The following DOCK9 variants were observed in gnomAD, a reference collection of about 807,000 sequenced individuals.
DOCK9 encodes the protein dedicator of cytokinesis protein 9.
In DOCK9, 89 loss-of-function variants were observed where a neutral mutation model predicts 263.3. The observed-to-expected ratio is 0.34, with a 90% CI of 0.28 to 0.40. The LOEUF (loss-of-function observed/expected upper bound fraction) is 0.40. Among genes scored for constraint, DOCK9 ranks in the 10% least tolerant of loss-of-function variants. The pLI is 1.00. For synonymous variants in DOCK9, 976 were observed against 973.1 expected, an observed-to-expected ratio of 1.00 and a Z score of -0.06; for missense variants, 2,140 against 2,603.4, an observed-to-expected ratio of 0.82 and a Z score of 3.87.
At chr13:99,073,188 C>T (rs2041758152) in intron 1 of DOCK9, among the ~76,000 whole-genome samples, 1 of 152,144 alleles carries the variant, frequency 6.6e-6, no homozygotes, top group South Asian at 2.1e-4. Context: ...TACCCTACCA[C>T]GTGCTTTGCC....
At chr13:99,021,638 CAAAAAAAAAAA>C (rs61660903) in intron 1 of DOCK9, among the ~76,000 whole-genome samples, 1 of 101,582 alleles carries the variant, frequency 9.8e-6, no homozygotes. Flanking sequence ...GACTCTGTCT[CAAAAAAAAAAA>C]AAAAAAAAAG....
At chr13:99,004,931 G>A (rs2141869551) in intron 1 of DOCK9, among the ~76,000 whole-genome samples, 1 of 152,056 alleles carries the variant, frequency 6.6e-6, no homozygotes, top group East Asian at 1.9e-4. Flanking sequence ...ATGTATAAAA[G>A]GAAAACCAGA....
intron 32 of DOCK9, among the ~76,000 whole-genome samples, 161 bp downstream of exon 32, chr13:98,862,858 C>CA (rs1447449292): frequency 6.6e-6 from 1 of 152,114 alleles, no homozygotes; most frequent in African/African-American, 2.4e-5. Flanking sequence ...CATGAGCCTC[C>CA]AGTAGGAACC....
rs1191150878 is a variant in DOCK9 at position 99,074,324 on chromosome 13, T to C, written c.129+11899A>G. 2.6e-5 allele frequency among the ~76,000 whole-genome samples: 4 copies of C among 152,230 alleles called. No individual in the cohort carries two copies. The East Asian group carries it at 7.7e-4, about 29-fold the overall frequency. ...TTTCCTAGGAGCGCTTCCAGGATCT[T>C]TGTAAGGGCTGACACTTTGTAAGGG... On this transcript the variant is annotated intron_variant, in intron 1 of 32. Coordinates refer to the DOCK9 transcript ENST00000427887.
intron 1 of DOCK9, among the ~76,000 whole-genome samples, chr13:99,032,052 G>A (rs929864308): frequency 6.6e-6 from 1 of 152,166 alleles, no homozygotes; most frequent in African/African-American, 2.4e-5. Context: ...AATTTCCTGG[G>A]GAGAACTAAT....
chr13:99,086,156 G>A, intron 1 of DOCK9: 4 of 1,409,166 alleles, frequency 2.8e-6, no homozygotes, highest in South Asian at 2.9e-5. Flanking sequence ...AGAGGCGCCC[G>A]GCCCGGGGCC....
At chr13:99,060,464 T>C (rs1001090127) in intron 1 of DOCK9, among the ~76,000 whole-genome samples, 1 of 152,180 alleles carries the variant, frequency 6.6e-6, no homozygotes, top group Non-Finnish European at 1.5e-5. Context: ...TTCAATTCTT[T>C]TGGATATATA....
At chr13:99,063,710 T>C (rs2041295342) in intron 1 of DOCK9, among the ~76,000 whole-genome samples, 1 of 152,130 alleles carries the variant, frequency 6.6e-6, no homozygotes, top group Non-Finnish European at 1.5e-5. Context: ...TACTAATAAA[T>C]GAAATAAAAA....
intron 1 of DOCK9, among the ~76,000 whole-genome samples, chr13:99,081,420 T>C (rs553383177): frequency 2.6e-4 from 39 of 152,300 alleles, no homozygotes; most frequent in African/African-American, 8.9e-4. Flanking sequence ...ATTTGTATTG[T>C]TGGAATTCAA....
At chr13:98,908,181 T>A (rs1411450995) in intron 9 of DOCK9, among the ~76,000 whole-genome samples, 1 of 151,974 alleles carries the variant, frequency 6.6e-6, no homozygotes, top group Non-Finnish European at 1.5e-5. Flanking sequence ...AATAAATATA[T>A]GAAAATATGA....
chr13:98,886,717 C>T, intron 18 of DOCK9, 93 bp from the exon 19 acceptor site: 1 of 1,213,904 alleles, frequency 8.2e-7, no homozygotes, highest in Non-Finnish European at 1.2e-6. Flanking sequence ...ATTCCTACGG[C>T]ATAGACTTAG....
At chr13:98,970,907 C>T (rs1476769375) in intron 1 of DOCK9, among the ~76,000 whole-genome samples, 1 of 152,138 alleles carries the variant, frequency 6.6e-6, no homozygotes, top group African/African-American at 2.4e-5. Context: ...GGTGGCCAAC[C>T]CATTCCCTTG....
chr13:98,993,105 T>G (rs559064639), intron 1 of DOCK9, among the ~76,000 whole-genome samples: 1 of 152,328 alleles, frequency 6.6e-6, no homozygotes, highest in African/African-American at 2.4e-5. Context: ...GTATGGACTC[T>G]GCCTCCTCAA....
intron 1 of DOCK9, among the ~76,000 whole-genome samples, chr13:99,037,695 C>A (rs547549725): frequency 6.6e-6 from 1 of 152,168 alleles, no homozygotes; most frequent in Admixed American, 6.5e-5. Context: ...TTGGTAATAA[C>A]CAAAAACTGG....
At position 98,860,480 on chromosome 13, in the gene DOCK9, G is replaced by A; in HGVS notation, c.3622C>T (p.Leu1208=). ...GTGCTTCCCTTCTGCGGCGTCACCA[G>A]CGGATTCACAGCTGGTAGAGCCAGG... The part of the protein sequence containing the change: ...ESLALPAVNP[L]VTPQKGSTLD... The change falls in exon 33 of 53, where the codon CTG becomes TTG. Residue 1208 remains leucine (L), a synonymous_variant. Transcript: ENST00000682017. 1 of 1,585,356 alleles carries A rather than the reference G, an allele frequency of 6.3e-7. No individual in the cohort carries two copies. Among genetic ancestry groups the A allele is most frequent in the Non-Finnish European group, 8.6e-7 (1 of 1,164,558 alleles).
chr13:98,970,555 T>C (rs2059637090), intron 1 of DOCK9, among the ~76,000 whole-genome samples: 1 of 152,036 alleles, frequency 6.6e-6, no homozygotes, highest in Non-Finnish European at 1.5e-5. Flanking sequence ...CAACTCTCCA[T>C]ATTAAGGAAA....
In DOCK9 at chr13:98,897,043, T is replaced by G. The variant is rs2047550858; in HGVS notation, c.1709+445A>C. Among the ~76,000 whole-genome samples the G allele has an allele frequency of 2.0e-5, 3 of 152,162 alleles. No individual in the cohort carries two copies. The South Asian group carries it at 6.2e-4, about 32-fold the overall frequency. On this transcript the variant is annotated intron_variant, in intron 15 of 52. Transcript: ENST00000682017. The stretch of plus-strand genomic sequence containing the variant: ...CTGCCACAAGCTAAGCAACAACTGG[T>G]GCCAGAAACTTCCAAGTTAGAAACC...
rs2092483877 is a variant in DOCK9 at position 98,825,401 on chromosome 13, T to G, written c.5024-897A>C. 1.3e-5 allele frequency among the ~76,000 whole-genome samples: 2 copies of G among 152,008 alleles called. No individual in the cohort carries two copies. The highest frequency in any genetic ancestry group is 4.8e-5 in the African/African-American group (2 of 41,366). The stretch of plus-strand genomic sequence containing the variant: ...TTTAGGGAGAAAGAGGAACACAGGG[T>G]ATTCTGAAATCAAGCCTTGAAAACG... On this transcript the variant is annotated intron_variant, in intron 44 of 52. Coordinates refer to ENST00000682017, the MANE Select transcript of DOCK9 (RefSeq NM_001366683.2). This position sits in a 1 kb window ranked among gnomAD's most constrained non-coding sequence, Gnocchi z 4.1.
At chr13:98,809,120 T>C (rs2091028184) in intron 47 of DOCK9, 2 of 1,545,766 alleles carry the variant, frequency 1.3e-6, no homozygotes, top group South Asian at 2.4e-5. Flanking sequence ...AGGAAGAACT[T>C]ACCGCTGCCT....
Sources: allele counts gnomAD v4.1 joint callset (sites outside exome capture counted in the v4.1 genomes callset), GRCh38; gene constraint gnomAD v4.1.1; non-coding constraint Gnocchi (gnomAD v3.1); transcripts MANE v1.5; gene names NCBI Gene and HGNC (gene_info 2026-07-23, HGNC 2026-07-21).